PRRC2C: variants seen among roughly 807,000 people sequenced by gnomAD.
PRRC2C encodes the protein proline rich coiled-coil 2C, also known as protein PRRC2C.
Under a neutral mutation model 317.2 loss-of-function variants are expected in PRRC2C, and 72 were observed. That is an observed-to-expected ratio of 0.23 (90% CI 0.19 to 0.28). PRRC2C has a LOEUF of 0.28. Ranked by LOEUF, PRRC2C falls within the 10% of genes least tolerant of loss-of-function variation. PRRC2C has a pLI of 1.00. For missense variants in PRRC2C, 3,074 were observed against 3,459.7 expected (o/e 0.89, Z 2.80); for synonymous variants, 1,296 against 1,205.9 (o/e 1.07, Z -1.55).
chr1:171,498,230 A>G (rs1668471548), intron 1 of PRRC2C, among the ~76,000 whole-genome samples: 1 of 152,082 alleles, frequency 6.6e-6, no homozygotes, highest in Non-Finnish European at 1.5e-5. Flanking sequence ...CTCTTAGTCC[A>G]TTCATGCTGC....
chr1:171,556,298 G>A (rs763063756), intron 18 of PRRC2C, among the ~76,000 whole-genome samples: 18 of 152,310 alleles, frequency 1.2e-4, no homozygotes, highest in Admixed American at 6.5e-4. Context: ...GTATTAGGGC[G>A]GGAGTCCCGA....
rs1672625142 is a variant in PRRC2C, at chr1:171,517,650, G to A, written c.586G>A (p.Asp196Asn). The change falls in exon 6 of 35, where the codon GAT becomes AAT. Residue 196 changes from aspartate (D) to asparagine (N), a missense_variant. Transcript: ENST00000647382. The part of the protein sequence containing the change: ...AAGSPSSSDQ[D>N]EKLPGQDEST... Reference sequence around the variant, plus strand: ...TGGCTCACCTTCGTCATCTGATCAAGATGAAAAGCTCCCTGGCCAGGATGA... The same window carrying A: ...TGGCTCACCTTCGTCATCTGATCAAAATGAAAAGCTCCCTGGCCAGGATGA... The A allele has an allele frequency of 6.2e-7, 1 of 1,612,816 alleles. No homozygotes were observed. The highest frequency in any genetic ancestry group is 8.5e-7 in the Non-Finnish European group (1 of 1,179,734).
chr1:171,570,975 T>C (rs1176172084), intron 23 of PRRC2C, among the ~76,000 whole-genome samples: 1 of 152,172 alleles, frequency 6.6e-6, no homozygotes, highest in African/African-American at 2.4e-5. Flanking sequence ...CATAGACCAA[T>C]TGAATCAAAA....
In PRRC2C at chr1:171,496,592, AT is replaced by A. The variant is rs1396386625; in HGVS notation, c.-58+10860del. Among the ~76,000 whole-genome samples, 4 of 152,092 alleles carry A rather than the reference AT, an allele frequency of 2.6e-5. No homozygotes were observed. In the East Asian group the frequency reaches 5.8e-4, roughly 22 times the overall value. On this transcript the variant is annotated intron_variant, in intron 1 of 34. Transcript: ENST00000647382. ...TCCCCACTTGTTAATATTTTACCAT[AT>A]TTACTTTATTATTTTCTGTATAGTA...
intron 23 of PRRC2C, among the ~76,000 whole-genome samples, chr1:171,569,102 G>C (rs1158684694): frequency 6.6e-6 from 1 of 152,042 alleles, no homozygotes; most frequent in African/African-American, 2.4e-5. Context: ...CATTTTAAAA[G>C]TTACTTGCAT....
At chr1:171,570,347 A>G (rs887141718) in intron 23 of PRRC2C, among the ~76,000 whole-genome samples, 1 of 152,174 alleles carries the variant, frequency 6.6e-6, no homozygotes, top group South Asian at 2.1e-4. Flanking sequence ...TTGGGGCTTA[A>G]TACACTTTTT....
chr1:171,538,050 G>A (rs1167348517), intron 15 of PRRC2C, among the ~76,000 whole-genome samples: 3 of 152,162 alleles, frequency 2.0e-5, no homozygotes, highest in African/African-American at 2.4e-5. Flanking sequence ...ACAGGCACCC[G>A]CCACCACGCC....
At chr1:171,519,025 A>G (rs1378354067) in intron 6 of PRRC2C, among the ~76,000 whole-genome samples, 1 of 151,636 alleles carries the variant, frequency 6.6e-6, no homozygotes, top group African/African-American at 2.4e-5. Flanking sequence ...CTGGGATTAT[A>G]GCTGCCCGCC....
Position 171,514,567 on chromosome 1 carries a change from C to G in PRRC2C, c.322C>G (p.Pro108Ala). The change falls in exon 4 of 35, where the codon CCT becomes GCT. Residue 108 changes from proline (P) to alanine (A), a missense_variant. Around this residue, in one of 11 missense-constraint regions of PRRC2C, gnomAD observed 237 missense variants for 199.5 expected, o/e 1.19. Transcript: ENST00000647382. ...TPEVPPAQPK[P>A]GVAAPPEVAP... ...AGAAGTGCCACCAGCACAGCCAAAA[C>G]CTGGGGTTGCAGCTCCCCCAGAAGT... 6.4e-7 allele frequency: 1 copy of G among 1,559,048 alleles called. No individual in the cohort carries two copies. The highest frequency in any genetic ancestry group is 2.4e-5 in the East Asian group (1 of 41,392).
At chr1:171,507,633 A>G (rs982860316) in intron 1 of PRRC2C, among the ~76,000 whole-genome samples, 5 of 151,990 alleles carry the variant, frequency 3.3e-5, no homozygotes, top group Non-Finnish European at 7.4e-5. Flanking sequence ...ATCTCTACCT[A>G]ATGCCTGGTG....
chr1:171,580,551 C>T (rs1425296727), intron 28 of PRRC2C, among the ~76,000 whole-genome samples: 2 of 152,220 alleles, frequency 1.3e-5, no homozygotes, highest in African/African-American at 4.8e-5. Flanking sequence ...CAGCCTTTCA[C>T]ATACATTAAC....
intron 1 of PRRC2C, among the ~76,000 whole-genome samples, chr1:171,508,747 A>G (rs1174484749): frequency 6.6e-6 from 1 of 152,204 alleles, no homozygotes; most frequent in Non-Finnish European, 1.5e-5. Context: ...CTTGCTTACT[A>G]ACATTTCTCT....
At chr1:171,549,621 G>T (rs1679809924) in intron 17 of PRRC2C, among the ~76,000 whole-genome samples, 1 of 152,154 alleles carries the variant, frequency 6.6e-6, no homozygotes, top group Non-Finnish European at 1.5e-5. Flanking sequence ...GAATGCAGTG[G>T]CACGGTCTCA....
chr1:171,537,116 C>G (rs1337801854), intron 14 of PRRC2C, 147 bp from the exon 15 acceptor site: 11 of 614,192 alleles, frequency 1.8e-5, no homozygotes, highest in Non-Finnish European at 2.8e-5. Context: ...TACATAATTT[C>G]CACCAATCTT....
In PRRC2C at chr1:171,550,074, C is replaced by T; in HGVS notation, c.4973-12C>T. 6.4e-7 allele frequency: 1 copy of T among 1,566,540 alleles called. No homozygotes were observed. The highest frequency in any genetic ancestry group is 8.6e-7 in the Non-Finnish European group (1 of 1,158,604). On this transcript the variant is annotated splice_polypyrimidine_tract_variant and intron_variant, in intron 17 of 34. Coordinates refer to ENST00000647382, the MANE Select transcript of PRRC2C (RefSeq NM_001387844.1). ...AACAGAAAATATCTTAAATCCTTTC[C>T]CACACCCACAGGTGTTGTTATAATT...
At chr1:171,561,783 T>C (rs146775213) in intron 20 of PRRC2C, among the ~76,000 whole-genome samples, 335 of 152,306 alleles carry the variant, frequency 2.2e-3, no homozygotes, top group African/African-American at 7.7e-3. Context: ...AGAAACTGTT[T>C]ATAGCAGATA....
At chr1:171,536,368 GA>G in intron 14 of PRRC2C, 90 bp downstream of exon 14, 1 of 1,420,814 alleles carries the variant, frequency 7.0e-7, no homozygotes, top group African/African-American at 1.4e-5. Flanking sequence ...TGTAATCTAG[GA>G]AAAACTTAAA....
Position 171,557,969 on chromosome 1 carries a change from TCAAAA to T in PRRC2C, c.5861_5865del (p.Lys1954ThrfsTer6). Reference sequence around the variant, plus strand: ...TCCACTACAGACTACATCTCAGTCTTCAAAACAACCACCACCATCAATTAGGCTGC... The same window carrying T: ...TCCACTACAGACTACATCTCAGTCTTCAACCACCACCATCAATTAGGCTGC... On this transcript the variant is annotated frameshift_variant, in exon 19 of 35. Transcript: ENST00000647382. LOFTEE classifies it high-confidence loss of function. The T allele has an allele frequency of 6.2e-7, 1 of 1,612,936 alleles. No homozygotes were observed. Among genetic ancestry groups the T allele is most frequent in the Non-Finnish European group, 8.5e-7 (1 of 1,179,462 alleles).
chr1:171,506,275 T>C (rs142182731), intron 1 of PRRC2C, among the ~76,000 whole-genome samples: 598 of 152,336 alleles, frequency 3.9e-3, no homozygotes, highest in African/African-American at 0.013. Context: ...ACTTTAAGCA[T>C]GTAGCTCTAC....
Sources: allele counts gnomAD v4.1 joint callset (sites outside exome capture counted in the v4.1 genomes callset), GRCh38; gene constraint gnomAD v4.1.1; regional missense constraint gnomAD v4.1.1; transcripts MANE v1.5; gene names NCBI Gene and HGNC (gene_info 2026-07-23, HGNC 2026-07-21).